PLXDC2: variants seen among roughly 807,000 people sequenced by gnomAD.
PLXDC2 encodes the protein plexin domain-containing protein 2.
PLXDC2 carries 40 observed loss-of-function variants against 68.9 expected under a neutral mutation model. The ratio of observed to expected loss-of-function variants is 0.58; its 90% confidence interval spans 0.45 to 0.76. The LOEUF (loss-of-function observed/expected upper bound fraction) is 0.76, where lower values mean the gene tolerates loss of function less well. PLXDC2 is among the 30% of genes least tolerant of loss of function. PLXDC2 has a pLI of 0.00. For missense variants in PLXDC2, 644 were observed against 661.9 expected, an observed-to-expected ratio of 0.97 and a Z score of 0.30; for synonymous variants, 243 against 234.2, an observed-to-expected ratio of 1.04 and a Z score of -0.34.
chr10:20,177,823 T>G (rs1413432238), intron 9 of PLXDC2, among the ~76,000 whole-genome samples: 1 of 152,164 alleles, frequency 6.6e-6, no homozygotes, highest in Admixed American at 6.6e-5. Flanking sequence ...CAATATTGTA[T>G]GTATAAAATA....
chr10:19,829,062 A>C (rs1420254877), intron 1 of PLXDC2, among the ~76,000 whole-genome samples: 1 of 151,606 alleles, frequency 6.6e-6, no homozygotes, highest in Admixed American at 6.6e-5. Flanking sequence ...GTTCAAGTTC[A>C]GCACTTTCTG....
intron 1 of PLXDC2, among the ~76,000 whole-genome samples, chr10:19,893,077 A>G (rs57447970): frequency 0.069 from 10,538 of 152,174 alleles, 846 homozygotes; most frequent in African/African-American, 0.2. Flanking sequence ...GAAGGGTAAT[A>G]ATCCTGTTTC....
intron 9 of PLXDC2, among the ~76,000 whole-genome samples, chr10:20,204,124 G>GTT (rs922873092): frequency 6.6e-6 from 1 of 152,090 alleles, no homozygotes; most frequent in African/African-American, 2.4e-5. Flanking sequence ...GGGGAGATGT[G>GTT]TTTAGAAATG....
rs1228042650 is a variant in PLXDC2 at position 19,880,668 on chromosome 10, G to C, written c.112+63477G>C. ...AATTTTCTATGAAATAAAGTATTCA[G>C]TACTTTCCATGAGTTACCTATATTC... On this transcript the variant is annotated intron_variant, in intron 1 of 13. Transcript: ENST00000377252. Among the ~76,000 whole-genome samples the C allele has an allele frequency of 3.3e-5, 5 of 152,156 alleles. No homozygotes were observed. In the East Asian group the frequency reaches 9.6e-4, roughly 29 times the overall value.
intron 1 of PLXDC2, among the ~76,000 whole-genome samples, chr10:19,939,653 C>T (rs982863015): frequency 6.6e-6 from 1 of 152,116 alleles, no homozygotes; most frequent in Non-Finnish European, 1.5e-5. Flanking sequence ...CTTTTTCTCC[C>T]TTTGGAAAAA....
At chr10:19,861,863 A>G (rs1470773510) in intron 1 of PLXDC2, among the ~76,000 whole-genome samples, 1 of 152,190 alleles carries the variant, frequency 6.6e-6, no homozygotes, top group Non-Finnish European at 1.5e-5. Flanking sequence ...ACTCTTCCTT[A>G]GTAACCTGCA....
At chr10:19,878,478 G>C (rs1009769326) in intron 1 of PLXDC2, among the ~76,000 whole-genome samples, 1 of 152,140 alleles carries the variant, frequency 6.6e-6, no homozygotes, top group Non-Finnish European at 1.5e-5. Flanking sequence ...TAGTAAATAC[G>C]ATCTTGAGTC....
At chr10:19,875,800 C>T (rs1052067622) in intron 1 of PLXDC2, among the ~76,000 whole-genome samples, 11 of 152,098 alleles carry the variant, frequency 7.2e-5, no homozygotes, top group Non-Finnish European at 1.5e-4. Context: ...AAATAAAATA[C>T]GAGCATTTGA....
chr10:20,011,373 A>G (rs529886797), intron 2 of PLXDC2, among the ~76,000 whole-genome samples: 1 of 152,270 alleles, frequency 6.6e-6, no homozygotes, highest in Admixed American at 6.5e-5. Flanking sequence ...CAAGCATGGA[A>G]GGGGGATTGT....
intron 4 of PLXDC2, among the ~76,000 whole-genome samples, chr10:20,093,583 A>G (rs2884579): frequency 0.44 from 66,972 of 151,782 alleles, 14,972 homozygotes; most frequent in South Asian, 0.7. Flanking sequence ...AAAGAACAAT[A>G]TTTTTTTTTC....
intron 9 of PLXDC2, among the ~76,000 whole-genome samples, chr10:20,209,082 G>A (rs977210592): frequency 4.6e-5 from 7 of 152,126 alleles, no homozygotes; most frequent in African/African-American, 1.7e-4. Flanking sequence ...TGCTAATGAA[G>A]TTTCGGGCAC....
intron 1 of PLXDC2, among the ~76,000 whole-genome samples, chr10:19,849,601 C>T (rs1291376022): frequency 6.6e-6 from 1 of 152,018 alleles, no homozygotes; most frequent in Non-Finnish European, 1.5e-5. Flanking sequence ...CTTCTCCTTG[C>T]CACTGCCGTG....
chr10:20,159,832 CATGACAG>C (rs1477629937), intron 6 of PLXDC2, among the ~76,000 whole-genome samples: 2 of 152,162 alleles, frequency 1.3e-5, no homozygotes, highest in African/African-American at 2.4e-5. Flanking sequence ...CAAATATCCA[CATGACAG>C]ATTTTCTTAC....
At position 19,987,309 on chromosome 10, in the gene PLXDC2, T is replaced by A. The variant is rs188637950; in HGVS notation, c.113-14466T>A. 7.8e-4 allele frequency among the ~76,000 whole-genome samples: 119 copies of A among 152,276 alleles called. 1 individual carries two copies. Among genetic ancestry groups the A allele is most frequent in the African/African-American group, 2.8e-3 (118 of 41,562 alleles). ...TATGTGACTTTGCCACCATTCTAAA[T>A]ACCTAAACAATGTCGCTTTCTTTTT... On this transcript the variant is annotated intron_variant, in intron 1 of 13. Coordinates refer to ENST00000377252, the MANE Select transcript of PLXDC2 (RefSeq NM_032812.9).
chr10:20,220,894 G>A (rs1363948942), intron 12 of PLXDC2, among the ~76,000 whole-genome samples: 1 of 147,576 alleles, frequency 6.8e-6, no homozygotes, highest in African/African-American at 2.5e-5. Context: ...CCAGGCTGGA[G>A]TGTAGTGGCA....
At chr10:20,100,674 G>A (rs1310248390) in intron 4 of PLXDC2, among the ~76,000 whole-genome samples, 3 of 152,130 alleles carry the variant, frequency 2.0e-5, no homozygotes, top group Admixed American at 6.5e-5. Context: ...TAGCAACACA[G>A]GTGACAGAAA....
At chr10:20,121,207 T>G (rs1833692564) in intron 4 of PLXDC2, among the ~76,000 whole-genome samples, 1 of 152,162 alleles carries the variant, frequency 6.6e-6, no homozygotes, top group South Asian at 2.1e-4. Flanking sequence ...GAGCATAGTT[T>G]GTGACTTTGA....
chr10:19,930,350 C>T lies in PLXDC2; in HGVS notation c.113-71425C>T, dbSNP rs189917728. On this transcript the variant is annotated intron_variant, in intron 1 of 13. Transcript: ENST00000377252. ...CAGAAACAGCCGGGTTGGTTTTTTC[C>T]ACTTGAGCTCTCTGCAAACCGCTAA... Among the ~76,000 whole-genome samples, 212 of 151,998 alleles carry T rather than the reference C, an allele frequency of 1.4e-3. 1 individual carries two copies. Among genetic ancestry groups the T allele is most frequent in the African/African-American group, 4.9e-3 (203 of 41,384 alleles).
intron 1 of PLXDC2, among the ~76,000 whole-genome samples, chr10:19,964,981 A>G (rs1322984684): frequency 6.6e-6 from 1 of 152,166 alleles, no homozygotes; most frequent in Non-Finnish European, 1.5e-5. Context: ...GCTCCATAAC[A>G]GTTATCCTGC....
Sources: allele counts gnomAD v4.1 joint callset (sites outside exome capture counted in the v4.1 genomes callset), GRCh38; gene constraint gnomAD v4.1.1; transcripts MANE v1.5; gene names NCBI Gene and HGNC (gene_info 2026-07-23, HGNC 2026-07-21).